Variants in ZDHHC15 observed in about 807,000 individuals in gnomAD.
ZDHHC15 encodes zDHHC palmitoyltransferase 15.
Under a neutral mutation model 31.7 loss-of-function variants are expected in ZDHHC15, and 19 were observed. The observed-to-expected ratio is 0.60, with a 90% confidence interval of 0.42 to 0.88. The LOEUF (loss-of-function observed/expected upper bound fraction) is 0.88. Among genes scored for constraint, ZDHHC15 ranks in the 40% least tolerant of loss-of-function variants. The pLI is 0.00. For synonymous variants in ZDHHC15, 103 were observed against 90.0 expected (o/e 1.14, Z -0.82); for missense variants, 209 against 251.2 (o/e 0.83, Z 1.14).
intron 10 of ZDHHC15, among the ~76,000 whole-genome samples, chrX:75,407,278 G>A (rs777560623): frequency 9.0e-6 from 1 of 111,372 alleles, no homozygotes; most frequent in African/African-American, 3.3e-5. Context: ...GAGAAGTGAG[G>A]AGCCCCTCCG....
At chrX:75,499,594 A>G (rs1263156751) in intron 2 of ZDHHC15, among the ~76,000 whole-genome samples, 1 of 111,887 alleles carries the variant, frequency 8.9e-6, no homozygotes, top group Non-Finnish European at 1.9e-5. Flanking sequence ...TATTCCTGCA[A>G]GAATGGCCAT....
At chrX:75,380,386 T>A (rs753502042) in intron 10 of ZDHHC15, among the ~76,000 whole-genome samples, 1 of 112,034 alleles carries the variant, frequency 8.9e-6, no homozygotes, top group Non-Finnish European at 1.9e-5. Context: ...ATTTCAGAAT[T>A]TTTAGGTGTG....
intron 4 of ZDHHC15, among the ~76,000 whole-genome samples, chrX:75,439,823 G>T (rs1011926264): frequency 1.8e-5 from 2 of 111,513 alleles, no homozygotes; most frequent in Non-Finnish European, 3.8e-5. Flanking sequence ...TGTGGCTCAA[G>T]GGCTGCTGTT....
chrX:75,478,551 T>TA (rs766816065), intron 3 of ZDHHC15, among the ~76,000 whole-genome samples: 2 of 111,178 alleles, frequency 1.8e-5, no homozygotes, highest in East Asian at 2.8e-4. Flanking sequence ...CCCAGATAAT[T>TA]AAAAAATTCT....
At chrX:75,475,008 G>A (rs757878790) in intron 3 of ZDHHC15, among the ~76,000 whole-genome samples, 6 of 111,249 alleles carry the variant, frequency 5.4e-5, no homozygotes, top group Admixed American at 9.6e-5. Context: ...GCAGTGAGCC[G>A]AGATTGCGCC....
At chrX:75,490,357 A>T (rs2148007250) in intron 2 of ZDHHC15, among the ~76,000 whole-genome samples, 1 of 112,117 alleles carries the variant, frequency 8.9e-6, no homozygotes, top group South Asian at 3.8e-4. Context: ...CGGATTACCC[A>T]CAAAGGGGAG....
chrX:75,430,341 T>G (rs1400350322), intron 5 of ZDHHC15, among the ~76,000 whole-genome samples: 1 of 111,507 alleles, frequency 9.0e-6, no homozygotes, highest in African/African-American at 3.3e-5. Flanking sequence ...AGCCTCTATC[T>G]GAATCAAGGG....
Position 75,369,330 on chromosome X carries a change from TG to T in ZDHHC15, c.*3647del, listed in dbSNP as rs2082985644. ...GAAAATGTGTATGTGTGTGTGTGTGTGTGTGTGTGTGTGTGTACATGTGCAT... is the reference window on the plus strand; with the variant it reads ...GAAAATGTGTATGTGTGTGTGTGTGTTGTGTGTGTGTGTGTACATGTGCAT... On this transcript the variant is annotated 3_prime_UTR_variant, in exon 12 of 12. Transcript: ENST00000373367. 1 of 110,658 alleles carries T rather than the reference TG, an allele frequency of 9.0e-6. No individual in the cohort carries two copies. The highest frequency in any genetic ancestry group is 1.9e-5 in the Non-Finnish European group (1 of 52,829). 9.1% of individuals were successfully genotyped at this position (110,658 alleles called of 1,213,427 possible).
chrX:75,378,923 A>T (rs1345048017), intron 11 of ZDHHC15, among the ~76,000 whole-genome samples, 197 bp downstream of exon 11: 5 of 111,539 alleles, frequency 4.5e-5, no homozygotes, highest in Non-Finnish European at 9.4e-5. Context: ...TTTGCAGGGA[A>T]TAAGGGCATC....
At chrX:75,459,158 T>G (rs770650241) in intron 3 of ZDHHC15, among the ~76,000 whole-genome samples, 1 of 109,904 alleles carries the variant, frequency 9.1e-6, no homozygotes, top group South Asian at 4.1e-4. Flanking sequence ...CACAAAGCTG[T>G]GTGGAGTCAT....
chrX:75,468,102 A>G (rs1336450522), intron 3 of ZDHHC15, among the ~76,000 whole-genome samples: 2 of 106,103 alleles, frequency 1.9e-5, no homozygotes, highest in African/African-American at 7.0e-5. Flanking sequence ...CTGGAGTGCA[A>G]TAGCACAATC....
rs746479329 is a variant in ZDHHC15 at position 75,458,512 on chromosome X, T to C, written c.259-7590A>G. Among the ~76,000 whole-genome samples the C allele has an allele frequency of 2.7e-5, 3 of 111,955 alleles. No individual in the cohort carries two copies. In the East Asian group the frequency reaches 8.4e-4, roughly 31 times the overall value. ...ACAAATAATAAAATATTTGAGATAA[T>C]TTAAATATATCTAACTTAAAAAATT... On this transcript the variant is annotated intron_variant, in intron 3 of 11. Transcript: ENST00000373367.
In ZDHHC15 at chrX:75,417,187, A is replaced by G; in HGVS notation, c.867T>C (p.Pro289=). 1 of 1,184,065 alleles carries G rather than the reference A, an allele frequency of 8.4e-7. No individual in the cohort carries two copies. Among genetic ancestry groups the G allele is most frequent in the Non-Finnish European group, 1.1e-6 (1 of 873,405 alleles). The change falls in exon 10 of 12, where the codon CCT becomes CCC. Residue 289 remains proline, a synonymous_variant. Coordinates refer to ENST00000373367, the MANE Select transcript of ZDHHC15 (RefSeq NM_144969.3). ...TCATAGGGAAGGAGTGTCCATCACC[A>G]GGGCTGATGGGAAAAGAAAGGCAGT... ...KFWLIPIGSS[P]GDGHSFPMRS...
At chrX:75,486,951 G>A (rs761395073) in intron 2 of ZDHHC15, among the ~76,000 whole-genome samples, 7 of 111,039 alleles carry the variant, frequency 6.3e-5, no homozygotes, top group Non-Finnish European at 9.4e-5. Flanking sequence ...GGAAATCTAT[G>A]GCACCACCTA....
chrX:75,453,061 C>T (rs1263001156), intron 3 of ZDHHC15, among the ~76,000 whole-genome samples: 2 of 111,300 alleles, frequency 1.8e-5, no homozygotes, highest in African/African-American at 3.3e-5. Flanking sequence ...GATAGAGACA[C>T]AAAAAACCCT....
chrX:75,444,687 T>TATATACAC (rs2084007375), intron 4 of ZDHHC15, among the ~76,000 whole-genome samples: 5 of 29,503 alleles, frequency 1.7e-4, no homozygotes, highest in African/African-American at 7.8e-4. Flanking sequence ...TATATATATA[T>TATATACAC]ACACACACAC....
At chrX:75,467,427 C>G (rs1299617398) in intron 3 of ZDHHC15, among the ~76,000 whole-genome samples, 2 of 111,894 alleles carry the variant, frequency 1.8e-5, no homozygotes, top group Non-Finnish European at 3.8e-5. Flanking sequence ...AATTCTGGCA[C>G]TAACAAGCCT....
intron 4 of ZDHHC15, among the ~76,000 whole-genome samples, chrX:75,434,417 A>G (rs1172871074): frequency 8.9e-6 from 1 of 111,948 alleles, no homozygotes; most frequent in Non-Finnish European, 1.9e-5. Flanking sequence ...ATAGGCCAAT[A>G]TCTAGCAAAG....
At chrX:75,460,940 T>C (rs2084304100) in intron 3 of ZDHHC15, among the ~76,000 whole-genome samples, 1 of 111,868 alleles carries the variant, frequency 8.9e-6, no homozygotes, top group Non-Finnish European at 1.9e-5. Flanking sequence ...GAGGTTAAGA[T>C]GCCTGAATTG....
Sources: allele counts gnomAD v4.1 joint callset (sites outside exome capture counted in the v4.1 genomes callset), GRCh38; gene constraint gnomAD v4.1.1; transcripts MANE v1.5; gene names NCBI Gene and HGNC (gene_info 2026-07-23, HGNC 2026-07-21).